Variants in CERS6 observed in about 807,000 individuals in gnomAD.
CERS6 encodes LAG1 homolog, ceramide synthase 6.
CERS6 carries 26 observed loss-of-function variants against 56.8 expected under a neutral mutation model. That is an observed-to-expected ratio of 0.46 (90% CI 0.34 to 0.63). The LOEUF is 0.63. Among genes scored for constraint, CERS6 ranks in the 30% least tolerant of loss-of-function variants. The probability of loss-of-function intolerance (pLI) is 0.01; values close to 1 mark genes in which losing one functional copy is unlikely to be tolerated. For missense variants in CERS6, 415 were observed against 467.5 expected (o/e 0.89, Z 1.04); for synonymous variants, 164 against 173.3 (o/e 0.95, Z 0.42).
At chr2:168,618,955 T>C (rs1273258968) in intron 3 of CERS6, among the ~76,000 whole-genome samples, 1 of 151,552 alleles carries the variant, frequency 6.6e-6, no homozygotes, top group East Asian at 1.9e-4. Flanking sequence ...ATCTGGAGGC[T>C]TCAAACTATA....
At chr2:168,592,378 G>C (rs1284143660) in intron 3 of CERS6, among the ~76,000 whole-genome samples, 1 of 152,208 alleles carries the variant, frequency 6.6e-6, no homozygotes, top group Non-Finnish European at 1.5e-5. Flanking sequence ...GTGGGAAAGG[G>C]AGGTGAGGCT....
At chr2:168,562,107 C>CT (rs1168730161) in intron 3 of CERS6, among the ~76,000 whole-genome samples, 8 of 152,188 alleles carry the variant, frequency 5.3e-5, no homozygotes, top group Non-Finnish European at 2.9e-5. Flanking sequence ...TCAATTTCTT[C>CT]TTTCGGGAGC....
rs114654466 is a variant in CERS6 at position 168,727,700 on chromosome 2, T to A, written c.845+9722T>A. On this transcript the variant is annotated intron_variant, in intron 8 of 9. Transcript: ENST00000305747. Reference sequence around the variant, plus strand: ...TATTTTACCAAAGTGGCATGGCTTATATGCTTTTCTGAATTGTTGATAAGG... The same window carrying A: ...TATTTTACCAAAGTGGCATGGCTTAAATGCTTTTCTGAATTGTTGATAAGG... Among the ~76,000 whole-genome samples, 1,095 of 152,324 alleles carry A rather than the reference T, an allele frequency of 7.2e-3. 8 individuals are homozygous for A. Among genetic ancestry groups the A allele is most frequent in the Middle Eastern group, 0.041 (12 of 294 alleles).
At chr2:168,645,537 CT>C (rs1281034016) in intron 4 of CERS6, among the ~76,000 whole-genome samples, 2 of 151,844 alleles carry the variant, frequency 1.3e-5, no homozygotes, top group African/African-American at 4.8e-5. Context: ...TTAAAAAAAT[CT>C]TTTAACTTAT....
At chr2:168,670,977 C>CCCCG (rs1553506529) in intron 4 of CERS6, among the ~76,000 whole-genome samples, 1 of 80,476 alleles carries the variant, frequency 1.2e-5, no homozygotes, top group Non-Finnish European at 4.1e-5. Flanking sequence ...CCCCCCCCCC[C>CCCCG]CCCAGACGGA....
chr2:168,744,879 T>C (rs1684053310), intron 8 of CERS6, among the ~76,000 whole-genome samples: 1 of 152,196 alleles, frequency 6.6e-6, no homozygotes, highest in African/African-American at 2.4e-5. Context: ...GTTCCCAAAC[T>C]TGTTTACACA....
chr2:168,520,336 G>A (rs967376548), intron 1 of CERS6, among the ~76,000 whole-genome samples: 5 of 152,066 alleles, frequency 3.3e-5, no homozygotes, highest in Non-Finnish European at 5.9e-5. Context: ...TTACTCCTTT[G>A]TTGCGTGCAT....
intron 6 of CERS6, among the ~76,000 whole-genome samples, chr2:168,709,749 A>T (rs1175604210): frequency 6.6e-6 from 1 of 152,200 alleles, no homozygotes; most frequent in East Asian, 1.9e-4. Flanking sequence ...CTATGTGTGC[A>T]CTAATCACTT....
chr2:168,480,319 G>GGC (rs1360051619), intron 1 of CERS6, among the ~76,000 whole-genome samples: 2 of 152,180 alleles, frequency 1.3e-5, no homozygotes, highest in Non-Finnish European at 2.9e-5. Context: ...GAGGAGAAAT[G>GGC]GCAGAGTAAA....
At chr2:168,681,848 A>T (rs1686225721) in intron 4 of CERS6, among the ~76,000 whole-genome samples, 1 of 152,150 alleles carries the variant, frequency 6.6e-6, no homozygotes, top group Admixed American at 6.5e-5. Context: ...CTATGAGATC[A>T]ACTTTTTTAG....
chr2:168,766,354 C>A lies in CERS6; in HGVS notation c.1002+606C>A, dbSNP rs183524498. On this transcript the variant is annotated intron_variant, in intron 9 of 9. Coordinates refer to ENST00000305747, the MANE Select transcript of CERS6 (RefSeq NM_203463.3). Reference sequence around the variant, plus strand: ...AGTGGAACCCTTTACATGTAAGTTTCTCCTCCTCTCTCTCTATCCCTGTCC... The same window carrying A: ...AGTGGAACCCTTTACATGTAAGTTTATCCTCCTCTCTCTCTATCCCTGTCC... 16 of 1,597,392 alleles carry A rather than the reference C, an allele frequency of 1.0e-5. No homozygotes were observed. In the East Asian group the frequency reaches 3.6e-4, roughly 36 times the overall value.
chr2:168,766,359 CCT>C, intron 9 of CERS6: 1 of 1,597,248 alleles, frequency 6.3e-7, no homozygotes, highest in Non-Finnish European at 8.5e-7. Flanking sequence ...AGTTTCTCCT[CCT>C]CTCTCTCTAT....
chr2:168,707,635 A>G (rs935646193), intron 6 of CERS6, among the ~76,000 whole-genome samples: 1 of 152,158 alleles, frequency 6.6e-6, no homozygotes, highest in Non-Finnish European at 1.5e-5. Flanking sequence ...GAAATAGAAA[A>G]ACCAAATAAT....
chr2:168,661,828 A>G (rs954152695), intron 4 of CERS6, among the ~76,000 whole-genome samples: 4 of 152,246 alleles, frequency 2.6e-5, no homozygotes, highest in African/African-American at 9.6e-5. Flanking sequence ...AATGTCTGCA[A>G]GGAATGCTAC....
At chr2:168,494,462 C>G (rs534770996) in intron 1 of CERS6, among the ~76,000 whole-genome samples, 1 of 152,208 alleles carries the variant, frequency 6.6e-6, no homozygotes, top group African/African-American at 2.4e-5. Context: ...TGATGAGGAT[C>G]AAATAAATTA....
intron 4 of CERS6, among the ~76,000 whole-genome samples, chr2:168,662,242 A>T (rs1308272201): frequency 6.6e-6 from 1 of 151,682 alleles, no homozygotes; most frequent in Non-Finnish European, 1.5e-5. Flanking sequence ...ACCATTTTGG[A>T]GCCAATACAT....
At chr2:168,562,006 C>T (rs1483826415) in intron 3 of CERS6, among the ~76,000 whole-genome samples, 1 of 152,046 alleles carries the variant, frequency 6.6e-6, no homozygotes, top group Admixed American at 6.6e-5. Flanking sequence ...TGAGAACATC[C>T]CCAAGAAAGG....
At position 168,658,165 on chromosome 2, in the gene CERS6, C is replaced by G. The variant is rs114504639; in HGVS notation, c.465+27123C>G. Among the ~76,000 whole-genome samples the G allele has an allele frequency of 3.4e-3, 511 of 152,232 alleles. 5 individuals carry two copies. The highest frequency in any genetic ancestry group is 0.012 in the African/African-American group (492 of 41,536). ...TAAAATTAGATAATAATTGGACCTACCTAAGAGCTTTATCGTTAAGGATTC... is the reference window on the plus strand; with the variant it reads ...TAAAATTAGATAATAATTGGACCTAGCTAAGAGCTTTATCGTTAAGGATTC... On this transcript the variant is annotated intron_variant, in intron 4 of 9. Transcript: ENST00000305747.
At chr2:168,705,232 T>C (rs1033299850) in intron 6 of CERS6, among the ~76,000 whole-genome samples, 2 of 152,130 alleles carry the variant, frequency 1.3e-5, no homozygotes, top group Non-Finnish European at 2.9e-5. Context: ...TAAGAATAAA[T>C]GACAGTGTCA....
Sources: gnomAD v4.1 joint callset for allele counts (sites outside exome capture counted in the v4.1 genomes callset) on GRCh38, gnomAD v4.1.1 for gene constraint, MANE v1.5 for transcripts, NCBI Gene and HGNC (gene_info 2026-07-23, HGNC 2026-07-21) for gene names.